Variants in ABCF3 observed in about 807,000 individuals in gnomAD.
ABCF3 encodes the protein ATP-binding cassette sub-family F member 3.
In ABCF3, 62 loss-of-function variants were observed where a neutral mutation model predicts 94.3. The observed-to-expected ratio is 0.66, with a 90% confidence interval of 0.54 to 0.81. The LOEUF (loss-of-function observed/expected upper bound fraction) is 0.81. Ranked by LOEUF, ABCF3 falls within the 40% of genes least tolerant of loss-of-function variation. ABCF3 has a pLI of 0.00. For missense variants in ABCF3, 843 were observed against 925.3 expected, an observed-to-expected ratio of 0.91 and a Z score of 1.15; for synonymous variants, 355 against 361.1, an observed-to-expected ratio of 0.98 and a Z score of 0.19.
At chr3:184,189,184 T>C (rs1233781440) in intron 10 of ABCF3, 40 bp downstream of exon 10, 5 of 1,614,106 alleles carry the variant, frequency 3.1e-6, no homozygotes, top group Admixed American at 1.7e-5. Flanking sequence ...CTATGGAAGA[T>C]TGGTCTTAGC....
rs372786209 is a variant in ABCF3, at chr3:184,193,325, G to A, written c.1884-40G>A. ...TCAGAAGGCTTTATTTTCTCTCACCGCACCCCTTCACTGCCCACCTTCCTG... is the reference window on the plus strand; with the variant it reads ...TCAGAAGGCTTTATTTTCTCTCACCACACCCCTTCACTGCCCACCTTCCTG... On this transcript the variant is annotated intron_variant, in intron 19 of 20. Transcript: ENST00000429586. The surrounding 1 kb of genome is among the most constrained non-coding windows in gnomAD (Gnocchi z 5.2). 1.8e-5 allele frequency: 29 copies of A among 1,613,312 alleles called. No individual in the cohort carries two copies. The highest frequency in any genetic ancestry group is 1.3e-4 in the Admixed American group (8 of 59,934).
intron 14 of ABCF3, 112 bp from the exon 15 acceptor site, chr3:184,190,887 C>T: frequency 1.6e-6 from 2 of 1,242,334 alleles, no homozygotes; most frequent in Non-Finnish European, 2.3e-6. Context: ...AGTAATGATA[C>T]CTGAGTGGTA....
chr3:184,186,904 G>GC (rs757820899), intron 3 of ABCF3, 29 bp downstream of exon 3: 8 of 1,596,620 alleles, frequency 5.0e-6, no homozygotes, highest in South Asian at 1.1e-5. Flanking sequence ...TGAACTAACT[G>GC]CCCCCCTGTG....
rs762316248 is a variant in ABCF3 at position 184,188,294 on chromosome 3, A to G, written c.723A>G (p.Gln241=). ...ACATTTCCCTGCTGCACGTTGAGCA[A>G]GAGGTTGCTGGAGATGACACTCCTG... ...PAHISLLHVE[Q]EVAGDDTPAL... The change falls in exon 7 of 21, where the codon CAA becomes CAG. Residue 241 remains glutamine (Q), a synonymous_variant. Transcript: ENST00000429586. 2.1e-5 allele frequency: 34 copies of G among 1,613,950 alleles called. No individual in the cohort carries two copies. Among genetic ancestry groups the G allele is most frequent in the Non-Finnish European group, 2.7e-5 (32 of 1,179,978 alleles).
In ABCF3 at chr3:184,193,688, G is replaced by C. The variant is rs780833304; in HGVS notation, c.2120G>C (p.Gly707Ala). ...CTCCAGGAACAGTTCCGCCGCGAAGGCTTCCTCTAGGGCCACCAGGCTGAG... is the reference window on the plus strand; with the variant it reads ...CTCCAGGAACAGTTCCGCCGCGAAGCCTTCCTCTAGGGCCACCAGGCTGAG... ...ALLQEQFRRE[G>A]FL Residue 707 changes from glycine (G) to alanine (A), a missense_variant, in exon 21 of 21, where the codon GGC becomes GCC. Gly to Ala is a moderately conservative substitution (Grantham distance 60). Transcript: ENST00000429586. The surrounding 1 kb of genome is among the most constrained non-coding windows in gnomAD (Gnocchi z 5.2). 3.1e-6 allele frequency: 5 copies of C among 1,609,932 alleles called. No homozygotes were observed. The highest frequency in any genetic ancestry group is 1.1e-5 in the South Asian group (1 of 90,528).
At chr3:184,191,296 C>T (rs1488896613) in intron 16 of ABCF3, 41 bp downstream of exon 16, 1 of 1,611,156 alleles carries the variant, frequency 6.2e-7, no homozygotes, top group Non-Finnish European at 8.5e-7. Context: ...TGGGACTCTC[C>T]TGTCTAAGTG....
intron 16 of ABCF3, 65 bp from the exon 17 acceptor site, chr3:184,192,536 T>C (rs1238413723): frequency 2.8e-6 from 4 of 1,449,126 alleles, no homozygotes; most frequent in African/African-American, 1.4e-5. Context: ...TGCCCACATA[T>C]GAATGAGAAC....
At position 184,193,160 on chromosome 3, in the gene ABCF3, G is replaced by A; in HGVS notation, c.1809G>A (p.Leu603=). Residue 603 remains leucine (L), a synonymous_variant, in exon 19 of 21, where the codon CTG becomes CTA. Coordinates refer to ENST00000429586, the MANE Select transcript of ABCF3 (RefSeq NM_018358.3). This position sits in a 1 kb window ranked among gnomAD's most constrained non-coding sequence, Gnocchi z 5.2. ...GTCGGTATGGCATCTCCGGAGAACT[G>A]GCCATGCGTCCTCTTGCCAGCCTGT... ...QLGRYGISGE[L]AMRPLASLSG... is the part of the protein sequence containing the mutation. The A allele has an allele frequency of 6.4e-7, 1 of 1,567,298 alleles. No homozygotes were observed. Among genetic ancestry groups the A allele is most frequent in the Non-Finnish European group, 8.6e-7 (1 of 1,157,588 alleles).
At position 184,192,708 on chromosome 3, in the gene ABCF3, C is replaced by T; in HGVS notation, c.1658+19C>T. ...CTCACAGGTCAGGCCCACCCGCACC[C>T]CTGCCCCCATGAGCACATTTGCAGG... On this transcript the variant is annotated intron_variant, in intron 17 of 20. Transcript: ENST00000429586. 1 of 1,610,172 alleles carries T rather than the reference C, an allele frequency of 6.2e-7. No individual in the cohort carries two copies. Among genetic ancestry groups the T allele is most frequent in the Non-Finnish European group, 8.5e-7 (1 of 1,177,860 alleles).
chr3:184,193,028 T>C lies in ABCF3; in HGVS notation c.1751-74T>C, dbSNP rs2109047038. ...AGCCTAGATGGAAGGACATGGGGAC[T>C]TGGAGGTGTGGCTGGAGGGCACAGG... On this transcript the variant is annotated intron_variant, in intron 18 of 20. Transcript: ENST00000429586. This position sits in a 1 kb window ranked among gnomAD's most constrained non-coding sequence, Gnocchi z 5.2. The C allele has an allele frequency of 6.5e-7, 1 of 1,547,760 alleles. No individual in the cohort carries two copies. Among genetic ancestry groups the C allele is most frequent in the Non-Finnish European group, 8.7e-7 (1 of 1,145,592 alleles).
rs151176558 is a variant in ABCF3 at position 184,191,035 on chromosome 3, C to A, written c.1428C>A (p.Val476=). The A allele has an allele frequency of 2.0e-5, 33 of 1,614,028 alleles. No homozygotes were observed. The African/African-American group carries it at 4.3e-4, about 21-fold the overall frequency. ...AGCCTGTGGACAAGGAATCAGAGGT[C>A]GTAATGAAGTAAGTGCTGGGCCAGT... The part of the protein sequence containing the change: ...ELKPVDKESE[V]VMKFPDGFEK... Residue 476 remains valine (V), a synonymous_variant, in exon 15 of 21, where the codon GTC becomes GTA. Transcript: ENST00000429586.
chr3:184,189,303 C>T (rs1225265473), intron 11 of ABCF3, 26 bp downstream of exon 11: 2 of 1,614,078 alleles, frequency 1.2e-6, no homozygotes, highest in African/African-American at 1.3e-5. Flanking sequence ...GGCACCCTGA[C>T]TTTAGGATGG....
At position 184,188,202 on chromosome 3, in the gene ABCF3, C is replaced by A; in HGVS notation, c.631C>A (p.Arg211=). The part of the protein sequence containing the change: ...AWGRRYGLVG[R]NGLGKTTLLK... ...GGGCCGCCGTTACGGGCTGGTGGGG[C>A]GGAATGGGTTGGGGAAGACAACGTT... Residue 211 remains arginine, a synonymous_variant, in exon 7 of 21, where the codon CGG becomes AGG. Coordinates refer to ENST00000429586, the MANE Select transcript of ABCF3 (RefSeq NM_018358.3). 2 of 1,614,000 alleles carry A rather than the reference C, an allele frequency of 1.2e-6. No homozygotes were observed. Among genetic ancestry groups the A allele is most frequent in the Non-Finnish European group, 1.7e-6 (2 of 1,180,030 alleles).
At position 184,188,133 on chromosome 3, in the gene ABCF3, T is replaced by C. The variant is rs756732064; in HGVS notation, c.570-8T>C. 1 of 1,613,098 alleles carries C rather than the reference T, an allele frequency of 6.2e-7. No homozygotes were observed. Among genetic ancestry groups the C allele is most frequent in the Non-Finnish European group, 8.5e-7 (1 of 1,179,276 alleles). Reference sequence around the variant, plus strand: ...AGCATCTTTGGTCTCCTTTCTCCACTCCTGCAGAGTACTGCTGGCTGGAGC... The same window carrying C: ...AGCATCTTTGGTCTCCTTTCTCCACCCCTGCAGAGTACTGCTGGCTGGAGC... On this transcript the variant is annotated splice_region_variant and splice_polypyrimidine_tract_variant and intron_variant, in intron 6 of 20. Transcript: ENST00000429586.
chr3:184,193,854 C>A lies in ABCF3; in HGVS notation c.*156C>A. On this transcript the variant is annotated 3_prime_UTR_variant, in exon 21 of 21. Coordinates refer to ENST00000429586, the MANE Select transcript of ABCF3 (RefSeq NM_018358.3). The surrounding 1 kb of genome is among the most constrained non-coding windows in gnomAD (Gnocchi z 5.2). ...CCTTTTGACTGGAGCATCTTCTGCA[C>A]AACCTTGGGAGCCCATCCAAGGGTT... is the stretch of plus-strand genomic sequence containing the variant. 1 of 1,028,294 alleles carries A rather than the reference C, an allele frequency of 9.7e-7. No homozygotes were observed. The highest frequency in any genetic ancestry group is 1.4e-6 in the Non-Finnish European group (1 of 728,496). 63.7% of individuals were successfully genotyped at this position (1,028,294 alleles called of 1,614,324 possible).
chr3:184,189,468 G>T (rs1166318241), intron 12 of ABCF3, 25 bp downstream of exon 12: 1 of 1,614,058 alleles, frequency 6.2e-7, no homozygotes. Context: ...GTGCTGGAGT[G>T]TGTTGGGGAA....
intron 18 of ABCF3, 84 bp downstream of exon 18, chr3:184,192,980 G>A: frequency 1.3e-6 from 2 of 1,583,578 alleles, no homozygotes. Flanking sequence ...CTGCCTTGGG[G>A]TGCGTGCAGA....
Position 184,187,771 on chromosome 3 carries a change from G to A in ABCF3, c.446+10G>A, listed in dbSNP as rs755476634. On this transcript the variant is annotated intron_variant, in intron 5 of 20. Transcript: ENST00000429586. ...AGACCAGCAACCCTCTGTGAGTGGG[G>A]GAAGCATGGCTCAGAAGAGAGCAGA... The A allele has an allele frequency of 8.7e-6, 14 of 1,614,174 alleles. No homozygotes were observed. In the South Asian group the frequency reaches 1.5e-4, roughly 18 times the overall value.
At chr3:184,191,994 C>T (rs1716057769) in intron 16 of ABCF3, among the ~76,000 whole-genome samples, 1 of 152,060 alleles carries the variant, frequency 6.6e-6, no homozygotes, top group Admixed American at 6.6e-5. Context: ...GATCTGCCTG[C>T]CTCAGCCTCC....
Sources: gnomAD v4.1 joint callset for allele counts (sites outside exome capture counted in the v4.1 genomes callset) on GRCh38, gnomAD v4.1.1 for gene constraint, Gnocchi (gnomAD v3.1) non-coding constraint, MANE v1.5 for transcripts, NCBI Gene and HGNC (gene_info 2026-07-23, HGNC 2026-07-21) for gene names.